GALNT14: variants seen among roughly 807,000 people sequenced by gnomAD.
The protein encoded by GALNT14 is UDP-GalNAc:polypeptide N-acetylgalactosaminyltransferase 14.
Under a neutral mutation model 77.5 loss-of-function variants are expected in GALNT14, and 60 were observed. That is an observed-to-expected ratio of 0.77 (90% CI 0.63 to 0.96). GALNT14 has a LOEUF of 0.96. Ranked by LOEUF, GALNT14 falls within the 40% of genes least tolerant of loss-of-function variation. The probability of loss-of-function intolerance (pLI) is 0.00; values close to 1 mark genes in which losing one functional copy is unlikely to be tolerated. For missense variants in GALNT14, 710 were observed against 731.0 expected (o/e 0.97, Z 0.33); for synonymous variants, 280 against 281.7 (o/e 0.99, Z 0.06).
At chr2:30,936,120 T>C (rs1336574424) in intron 9 of GALNT14, among the ~76,000 whole-genome samples, 2 of 152,178 alleles carry the variant, frequency 1.3e-5, no homozygotes, top group Non-Finnish European at 2.9e-5. Flanking sequence ...ACTGTTATAA[T>C]CTTACTTTCT....
chr2:31,101,700 T>C (rs1677285256), intron 1 of GALNT14, among the ~76,000 whole-genome samples: 1 of 152,146 alleles, frequency 6.6e-6, no homozygotes, highest in Non-Finnish European at 1.5e-5. Context: ...TTTTCTTGAT[T>C]AGATTAACTA....
chr2:30,901,116 T>C, the GALNT14 span, among the ~76,000 whole-genome samples: 2 of 152,102 alleles, frequency 1.3e-5, no homozygotes, highest in African/African-American at 4.8e-5. Flanking sequence ...TCTATGAAAC[T>C]CACTAGGACC....
chr2:30,945,041 A>G, intron 7 of GALNT14, 99 bp from the exon 8 acceptor site: 1 of 1,071,386 alleles, frequency 9.3e-7, no homozygotes, highest in Non-Finnish European at 1.3e-6. Context: ...GGTCCTGGAG[A>G]GGTAGGTCTC....
At chr2:31,132,167 G>A (rs1011241336) in intron 1 of GALNT14, among the ~76,000 whole-genome samples, 3 of 152,240 alleles carry the variant, frequency 2.0e-5, no homozygotes, top group South Asian at 2.1e-4. Context: ...CAGCACATCC[G>A]CCACTGACTC....
In GALNT14 at chr2:30,969,989, T is replaced by C. The variant is rs113965125; in HGVS notation, c.300-3687A>G. ...ACTTTCCCAAGCCTCAGTTTCTTCATCTGGAAAATGGAGATAACAATTCTG... is the reference window on the plus strand; with the variant it reads ...ACTTTCCCAAGCCTCAGTTTCTTCACCTGGAAAATGGAGATAACAATTCTG... On this transcript the variant is annotated intron_variant, in intron 2 of 14. Transcript: ENST00000349752. 2.4e-3 allele frequency among the ~76,000 whole-genome samples: 364 copies of C among 152,338 alleles called. 1 individual carries two copies. Among genetic ancestry groups the C allele is most frequent in the African/African-American group, 8.5e-3 (353 of 41,570 alleles).
downstream of GALNT14, among the ~76,000 whole-genome samples, chr2:30,908,863 A>G (rs1664218975): frequency 6.7e-6 from 1 of 149,632 alleles, no homozygotes; most frequent in Non-Finnish European, 1.5e-5. Context: ...AAACAGAGAT[A>G]TAGATCAATG....
chr2:30,911,590 C>T (rs1195657618), intron 14 of GALNT14, among the ~76,000 whole-genome samples: 1 of 152,180 alleles, frequency 6.6e-6, no homozygotes, highest in Non-Finnish European at 1.5e-5. Flanking sequence ...GGGCACTGAG[C>T]ACGTTACTGC....
Position 31,020,936 on chromosome 2 carries a change from C to T in GALNT14, c.130-27929G>A, listed in dbSNP as rs149629456. Among the ~76,000 whole-genome samples the T allele has an allele frequency of 2.9e-3, 449 of 152,316 alleles. 2 individuals are homozygous for T. Among genetic ancestry groups the T allele is most frequent in the African/African-American group, 9.7e-3 (405 of 41,562 alleles). On this transcript the variant is annotated intron_variant, in intron 1 of 14. Coordinates refer to ENST00000349752, the MANE Select transcript of GALNT14 (RefSeq NM_024572.4). ...ATTACGCCTCTCCAGGAATGAAACC[C>T]ACATCCCATGTGGCCAGCCCCTTCT... is the stretch of plus-strand genomic sequence containing the variant.
intron 1 of GALNT14, among the ~76,000 whole-genome samples, chr2:31,043,053 T>A (rs1233436779): frequency 6.6e-6 from 1 of 152,114 alleles, no homozygotes; most frequent in Non-Finnish European, 1.5e-5. Flanking sequence ...TTTCTCCTCA[T>A]CCCAGCACAC....
chr2:30,928,647 C>T (rs998242729), intron 11 of GALNT14, among the ~76,000 whole-genome samples: 6 of 151,986 alleles, frequency 3.9e-5, no homozygotes, highest in Non-Finnish European at 7.4e-5. Flanking sequence ...GATGGGGTCT[C>T]GCTCTGTCAC....
In GALNT14 at chr2:30,910,865, C is replaced by T. The variant is rs1160724560; in HGVS notation, c.*36G>A. On this transcript the variant is annotated 3_prime_UTR_variant, in exon 15 of 15. Coordinates refer to ENST00000349752, the MANE Select transcript of GALNT14 (RefSeq NM_024572.4). ...CAGTCTGTTCTGGTCCAGGGAAGCA[C>T]CACCCCATGGCCCTTGCTGCTTCTG... 2.5e-6 allele frequency: 4 copies of T among 1,606,284 alleles called. No individual in the cohort carries two copies. The highest frequency in any genetic ancestry group is 1.7e-4 in the Middle Eastern group (1 of 5,762).
chr2:31,058,035 C>T (rs554155248), intron 1 of GALNT14, among the ~76,000 whole-genome samples: 4 of 152,292 alleles, frequency 2.6e-5, no homozygotes, highest in African/African-American at 4.8e-5. Context: ...ACACTATTCC[C>T]TGCCCTGCCC....
In GALNT14 at chr2:31,034,699, T is replaced by C. The variant is rs558452269; in HGVS notation, c.130-41692A>G. ...AAATTTAGGTTATTGATTTCAGATC[T>C]TTCTTCTTTTTAAAGCAAGGCATGT... is the stretch of plus-strand genomic sequence containing the variant. On this transcript the variant is annotated intron_variant, in intron 1 of 14. Transcript: ENST00000349752. Among the ~76,000 whole-genome samples the C allele has an allele frequency of 1.4e-3, 216 of 152,366 alleles. 1 individual carries two copies. The highest frequency in any genetic ancestry group is 4.8e-3 in the African/African-American group (201 of 41,588).
At chr2:31,025,957 T>C (rs1206301931) in intron 1 of GALNT14, among the ~76,000 whole-genome samples, 1 of 152,154 alleles carries the variant, frequency 6.6e-6, no homozygotes, top group Non-Finnish European at 1.5e-5. Flanking sequence ...ATGAGGCCCG[T>C]CTACATTATG....
intron 1 of GALNT14, among the ~76,000 whole-genome samples, chr2:31,024,244 C>G (rs1243237928): frequency 6.6e-6 from 1 of 152,190 alleles, no homozygotes; most frequent in Non-Finnish European, 1.5e-5. Flanking sequence ...ATCTCCCTGG[C>G]TCTTCCCCTT....
intron 1 of GALNT14, among the ~76,000 whole-genome samples, chr2:31,007,953 A>G (rs1670784077): frequency 6.6e-6 from 1 of 152,108 alleles, no homozygotes; most frequent in Non-Finnish European, 1.5e-5. Flanking sequence ...TCTGGCCCAC[A>G]ACCTCTGAGC....
intron 1 of GALNT14, 36 bp from the exon 2 acceptor site, chr2:30,993,043 T>C (rs1669815758): frequency 6.2e-7 from 1 of 1,605,634 alleles, no homozygotes; most frequent in Non-Finnish European, 8.5e-7. Flanking sequence ...TGAGAACGGC[T>C]CCCTGTCCTC....
intron 1 of GALNT14, among the ~76,000 whole-genome samples, chr2:31,060,375 C>T (rs990772522): frequency 2.0e-5 from 3 of 152,206 alleles, no homozygotes; most frequent in Non-Finnish European, 4.4e-5. Context: ...AGAACAAGCC[C>T]TATTTAACTT....
intron 1 of GALNT14, among the ~76,000 whole-genome samples, chr2:31,013,717 C>G (rs1234235252): frequency 1.3e-5 from 2 of 152,206 alleles, no homozygotes; most frequent in Admixed American, 6.5e-5. Context: ...GGCCCATGCT[C>G]TTTCTGTTAA....
Sources: allele counts gnomAD v4.1 joint callset (sites outside exome capture counted in the v4.1 genomes callset), GRCh38; gene constraint gnomAD v4.1.1; transcripts MANE v1.5; gene names NCBI Gene and HGNC (gene_info 2026-07-23, HGNC 2026-07-21).